CECR2: variants seen among roughly 807,000 people sequenced by gnomAD.
CECR2 encodes the protein chromatin remodeling regulator CECR2.
CECR2 carries 30 observed loss-of-function variants against 154.5 expected under a neutral mutation model. The ratio of observed to expected loss-of-function variants is 0.19; its 90% CI spans 0.15 to 0.26. The LOEUF is 0.26. CECR2 is among the 10% of genes least tolerant of loss of function. The pLI is 1.00. For synonymous variants in CECR2, 725 were observed against 683.7 expected (o/e 1.06, Z -0.94); for missense variants, 1,743 against 1,829.3 (o/e 0.95, Z 0.86).
intron 2 of CECR2, among the ~76,000 whole-genome samples, chr22:17,479,338 T>TA (rs1272194477): frequency 2.0e-5 from 3 of 152,232 alleles, no homozygotes; most frequent in African/African-American, 7.2e-5. Context: ...GACTAGTAGG[T>TA]ACTGGCAGCA....
chr22:17,435,654 G>A (rs967840314), intron 1 of CECR2, among the ~76,000 whole-genome samples: 2 of 107,938 alleles, frequency 1.9e-5, no homozygotes, highest in Admixed American at 1.2e-4. Context: ...AGGGAGTCTA[G>A]AATAGACTCC....
intron 2 of CECR2, among the ~76,000 whole-genome samples, chr22:17,489,482 T>C (rs1178870565): frequency 6.6e-6 from 1 of 152,142 alleles, no homozygotes. Context: ...TGAGACAGGG[T>C]TCCCACTCTG....
intron 1 of CECR2, among the ~76,000 whole-genome samples, chr22:17,387,343 G>C (rs966413235): frequency 7.2e-5 from 11 of 152,140 alleles, no homozygotes; most frequent in Non-Finnish European, 1.6e-4. Flanking sequence ...GATGAACTGG[G>C]CCAATGAAAT....
chr22:17,538,686 A>G lies in CECR2; in HGVS notation c.1323A>G (p.Glu441=). 6.2e-7 allele frequency: 1 copy of G among 1,613,954 alleles called. No individual in the cohort carries two copies. Among genetic ancestry groups the G allele is most frequent in the Non-Finnish European group, 8.5e-7 (1 of 1,179,886 alleles). The change falls in exon 12 of 19, where the codon GAA becomes GAG. Residue 441 remains glutamate (E), a synonymous_variant. Coordinates refer to ENST00000262608, the MANE Select transcript of CECR2 (RefSeq NM_001290047.2). ...ACAAGGATTCCTGGCCCTTCTTGGAACCTGTGGATGAATCTTATGCCCCTA... is the reference window on the plus strand; with the variant it reads ...ACAAGGATTCCTGGCCCTTCTTGGAGCCTGTGGATGAATCTTATGCCCCTA... ...KAHKDSWPFL[E]PVDESYAPNY...
chr22:17,497,459 A>T lies in CECR2; in HGVS notation c.278A>T (p.Glu93Val). The stretch of plus-strand genomic sequence containing the variant: ...ATCATCAACTACCGCTGGGAGCTCG[A>T]AGAAGGGAAGCCCAACCCTCTGAGG... Reference protein sequence around the residue: ...EDIINYRWELEEGKPNPLREA... With the variant: ...EDIINYRWELVEGKPNPLREA... The change falls in exon 3 of 19, where the codon GAA (glutamate) becomes GTA (valine). Residue 93 changes from glutamate to valine, a missense_variant. By Grantham distance (121) the Glu-to-Val change is moderately radical. Coordinates refer to ENST00000262608, the MANE Select transcript of CECR2 (RefSeq NM_001290047.2). 1 of 1,613,980 alleles carries T rather than the reference A, an allele frequency of 6.2e-7. No individual in the cohort carries two copies. The highest frequency in any genetic ancestry group is 8.5e-7 in the Non-Finnish European group (1 of 1,179,886).
At chr22:17,413,183 G>A (rs148392026) in intron 1 of CECR2, among the ~76,000 whole-genome samples, 3 of 152,300 alleles carry the variant, frequency 2.0e-5, no homozygotes, top group Non-Finnish European at 4.4e-5. Context: ...AAGGGAAGTA[G>A]TATCAGAAAA....
At chr22:17,547,233 G>A (rs927821345) in intron 16 of CECR2, among the ~76,000 whole-genome samples, 1 of 144,252 alleles carries the variant, frequency 6.9e-6, no homozygotes, top group Non-Finnish European at 1.5e-5. Context: ...TGTTAAAAAT[G>A]CCTCTTTTTT....
chr22:17,453,024 T>A (rs954964226), intron 1 of CECR2, among the ~76,000 whole-genome samples: 4 of 152,224 alleles, frequency 2.6e-5, no homozygotes, highest in African/African-American at 9.6e-5. Context: ...GTTTATCGGA[T>A]ATTTATTGAA....
intron 1 of CECR2, among the ~76,000 whole-genome samples, chr22:17,371,246 G>A (rs1412732816): frequency 1.3e-5 from 2 of 152,186 alleles, no homozygotes; most frequent in Non-Finnish European, 2.9e-5. Flanking sequence ...GGTTGGGGAT[G>A]GGAGAATGAA....
chr22:17,455,625 T>G (rs1042796549), intron 1 of CECR2, among the ~76,000 whole-genome samples: 3 of 152,198 alleles, frequency 2.0e-5, no homozygotes, highest in Admixed American at 1.3e-4. Flanking sequence ...TTGTTTTGTT[T>G]TGTTTGTAAG....
intron 10 of CECR2, among the ~76,000 whole-genome samples, chr22:17,537,955 C>T (rs1220338948): frequency 1.3e-5 from 2 of 151,098 alleles, no homozygotes; most frequent in African/African-American, 4.9e-5. Flanking sequence ...GATCGTGCCA[C>T]TGCACTCCAG....
At chr22:17,368,970 G>T (rs548805935), upstream of CECR2, among the ~76,000 whole-genome samples, 1 of 152,122 alleles carries the variant, frequency 6.6e-6, no homozygotes, top group Non-Finnish European at 1.5e-5. Flanking sequence ...AAAGCGTTAA[G>T]AAACAGGTGG....
At chr22:17,423,493 C>T (rs1296266653) in intron 1 of CECR2, among the ~76,000 whole-genome samples, 4 of 135,868 alleles carry the variant, frequency 2.9e-5, no homozygotes, top group African/African-American at 9.5e-5. Context: ...GGCGACTGAG[C>T]GAGACTCTGT....
At chr22:17,549,594 AAG>A in intron 17 of CECR2, 30 bp downstream of exon 17, 1 of 1,464,196 alleles carries the variant, frequency 6.8e-7, no homozygotes, top group Non-Finnish European at 9.2e-7. Context: ...TTTCCCCCTA[AAG>A]AGAGAACAGA....
intron 9 of CECR2, among the ~76,000 whole-genome samples, chr22:17,533,704 G>GTTTGT (rs904674323): frequency 6.7e-6 from 1 of 150,014 alleles, no homozygotes; most frequent in African/African-American, 2.5e-5. Flanking sequence ...GCCTTTTTTT[G>GTTTGT]TTTGTTTGTT....
At chr22:17,512,083 A>T (rs1041068666) in intron 8 of CECR2, among the ~76,000 whole-genome samples, 187 bp downstream of exon 8, 6 of 152,174 alleles carry the variant, frequency 3.9e-5, no homozygotes, top group African/African-American at 1.4e-4. Context: ...GTGAGGCCAC[A>T]CTCTGGTTCT....
At chr22:17,464,770 G>A (rs190018548) in intron 1 of CECR2, among the ~76,000 whole-genome samples, 6 of 152,068 alleles carry the variant, frequency 3.9e-5, no homozygotes, top group Admixed American at 3.3e-4. Flanking sequence ...CAAAGCACTA[G>A]GATTACATCC....
intron 1 of CECR2, among the ~76,000 whole-genome samples, chr22:17,408,153 G>T (rs1167616700): frequency 2.0e-5 from 3 of 152,094 alleles, no homozygotes; most frequent in African/African-American, 7.2e-5. Flanking sequence ...TTTCTATCTA[G>T]TTCCAAGACG....
chr22:17,456,599 C>T (rs1238459046), intron 1 of CECR2, among the ~76,000 whole-genome samples: 1 of 152,160 alleles, frequency 6.6e-6, no homozygotes, highest in Non-Finnish European at 1.5e-5. Context: ...TTGTACATCA[C>T]AAAGTATAAT....
Sources: gnomAD v4.1 joint callset for allele counts (sites outside exome capture counted in the v4.1 genomes callset) on GRCh38, gnomAD v4.1.1 for gene constraint, MANE v1.5 for transcripts, NCBI Gene and HGNC (gene_info 2026-07-23, HGNC 2026-07-21) for gene names.